The following PCDHA7 variants were observed in gnomAD, a reference collection of about 807,000 sequenced individuals.
PCDHA7 encodes the protein protocadherin alpha-7.
Under a neutral mutation model 57.2 loss-of-function variants are expected in PCDHA7, and 37 were observed. The observed-to-expected ratio is 0.65, with a 90% CI of 0.50 to 0.85. PCDHA7 has a LOEUF of 0.85. Among genes scored for constraint, PCDHA7 ranks in the 40% least tolerant of loss-of-function variants. The pLI, the probability that PCDHA7 is intolerant of heterozygous loss-of-function variation, is 0.00. For missense variants in PCDHA7, 1,188 were observed against 1,241.8 expected (o/e 0.96, Z 0.65); for synonymous variants, 553 against 558.8 (o/e 0.99, Z 0.15).
chr5:140,991,066 C>T (rs2097429810), intron 3 of PCDHA7, among the ~76,000 whole-genome samples: 2 of 152,122 alleles, frequency 1.3e-5, no homozygotes, highest in Non-Finnish European at 2.9e-5. Context: ...TTATTATTCC[C>T]ATGTTTCAGA....
At chr5:140,850,475 G>T (rs2150485791) in intron 1 of PCDHA7, 2 of 1,597,894 alleles carry the variant, frequency 1.3e-6, no homozygotes, top group African/African-American at 2.7e-5. Flanking sequence ...CAGCGCTGAC[G>T]GCCACGGCCA....
At chr5:140,978,861 T>C (rs540878929) in intron 1 of PCDHA7, 88 bp from the exon 2 acceptor site, 1 of 1,599,110 alleles carries the variant, frequency 6.3e-7, no homozygotes, top group African/African-American at 1.3e-5. Flanking sequence ...CCTGGAAATA[T>C]TTAAGGGAGT....
At chr5:141,002,807 C>T (rs1297773193) in intron 3 of PCDHA7, among the ~76,000 whole-genome samples, 1 of 152,152 alleles carries the variant, frequency 6.6e-6, no homozygotes, top group Non-Finnish European at 1.5e-5. Flanking sequence ...GAAACTGAGG[C>T]TCAGAGATAT....
intron 1 of PCDHA7, among the ~76,000 whole-genome samples, chr5:140,941,259 T>TTCTTTCTTTC (rs1554214226): frequency 2.6e-4 from 32 of 121,828 alleles, no homozygotes; most frequent in African/African-American, 6.8e-4. Flanking sequence ...TTCTTTCTCT[T>TTCTTTCTTTC]TCTTTCTTTC....
chr5:140,863,196 G>A (rs782500346), intron 1 of PCDHA7: 4 of 874,850 alleles, frequency 4.6e-6, no homozygotes, highest in Non-Finnish European at 7.2e-6. Flanking sequence ...TGGTGGCGTC[G>A]CTGGCGGAGA....
chr5:140,992,789 T>G (rs2097528439), intron 3 of PCDHA7, among the ~76,000 whole-genome samples: 1 of 152,148 alleles, frequency 6.6e-6, no homozygotes, highest in Admixed American at 6.5e-5. Flanking sequence ...AGGGTCAATT[T>G]TATGGATCCA....
chr5:140,918,918 C>T (rs1338973615), intron 1 of PCDHA7, among the ~76,000 whole-genome samples: 1 of 152,224 alleles, frequency 6.6e-6, no homozygotes, highest in Non-Finnish European at 1.5e-5. Context: ...ATTAACTACA[C>T]AGCATATGGC....
intron 1 of PCDHA7, among the ~76,000 whole-genome samples, chr5:140,958,752 T>A (rs1423879082): frequency 6.6e-6 from 1 of 152,166 alleles, no homozygotes; most frequent in Non-Finnish European, 1.5e-5. Context: ...AAAGGAGATT[T>A]TTACCCATTT....
Position 140,851,214 on chromosome 5 carries a change from A to G in PCDHA7, c.2355+14476A>G. ...AGTTGTTAGTCATTCATTAAACATT[A>G]ACATCACTATCATTTATTTATTGCT... On this transcript the variant is annotated intron_variant, in intron 1 of 3. Coordinates refer to ENST00000525929, the MANE Select transcript of PCDHA7 (RefSeq NM_018910.3). The G allele has an allele frequency of 6.9e-6, 8 of 1,159,680 alleles. 1 individual carries two copies. The highest frequency in any genetic ancestry group is 7.7e-6 in the Non-Finnish European group (7 of 905,618). 71.8% of individuals were successfully genotyped at this position (1,159,680 alleles called of 1,614,324 possible).
intron 1 of PCDHA7, among the ~76,000 whole-genome samples, chr5:140,874,289 T>G (rs1234939624): frequency 1.3e-5 from 2 of 152,230 alleles, no homozygotes; most frequent in Non-Finnish European, 2.9e-5. Context: ...ACAAAATCTA[T>G]GTGTACTTGT....
intron 1 of PCDHA7, chr5:140,966,679 G>C (rs1554228549): frequency 8.3e-6 from 11 of 1,317,564 alleles, no homozygotes; most frequent in East Asian, 3.0e-5. Context: ...AGGGTGGCAC[G>C]AGCGGAGGCG....
At chr5:140,867,550 C>G (rs2153229616) in intron 1 of PCDHA7, 1 of 152,198 alleles carries the variant, frequency 6.6e-6, no homozygotes, top group South Asian at 2.1e-4. Flanking sequence ...TTAGCATACA[C>G]ATATGATAAC....
chr5:140,968,029 G>A, intron 1 of PCDHA7: 1 of 1,614,170 alleles, frequency 6.2e-7, no homozygotes, highest in Non-Finnish European at 8.5e-7. Context: ...CCTATACACT[G>A]GTGGTGAGCG....
intron 1 of PCDHA7, among the ~76,000 whole-genome samples, chr5:140,940,027 G>A (rs1554213088): frequency 6.6e-6 from 1 of 152,058 alleles, no homozygotes; most frequent in Non-Finnish European, 1.5e-5. Context: ...TATGTTTTAA[G>A]GCTATTTTAT....
At chr5:140,884,559 C>T (rs782174598) in intron 1 of PCDHA7, 2 of 1,614,094 alleles carry the variant, frequency 1.2e-6, no homozygotes, top group Admixed American at 1.7e-5. Context: ...GGGGAGGGCC[C>T]GCATAAGACG....
chr5:140,850,833 G>A, intron 1 of PCDHA7: 1 of 1,598,078 alleles, frequency 6.3e-7, no homozygotes, highest in Non-Finnish European at 8.6e-7. Flanking sequence ...TTCTCCTTGT[G>A]CTGGATCTAC....
intron 1 of PCDHA7, among the ~76,000 whole-genome samples, chr5:140,921,561 T>C (rs373696344): frequency 6.6e-6 from 1 of 152,194 alleles, no homozygotes; most frequent in South Asian, 2.1e-4. Context: ...AGCTCTATTA[T>C]GTTATAGTAG....
At chr5:140,843,560 A>T (rs2150362735) in intron 1 of PCDHA7, 1 of 1,595,676 alleles carries the variant, frequency 6.3e-7, no homozygotes, top group Non-Finnish European at 8.6e-7. Context: ...TGCGGTGGGG[A>T]GCTGGTCATA....
chr5:140,967,984 C>G (rs2096207352), intron 1 of PCDHA7: 2 of 1,614,100 alleles, frequency 1.2e-6, no homozygotes, highest in African/African-American at 2.7e-5. Flanking sequence ...GTCTGGAGGC[C>G]ACACTGCCTT....
Sources: gnomAD v4.1 joint callset for allele counts (sites outside exome capture counted in the v4.1 genomes callset) on GRCh38, gnomAD v4.1.1 for gene constraint, MANE v1.5 for transcripts, NCBI Gene and HGNC (gene_info 2026-07-23, HGNC 2026-07-21) for gene names.